Variants in GPHN observed in about 807,000 individuals in gnomAD.
GPHN encodes gephyrin.
A neutral mutation model predicts 95.5 loss-of-function variants in GPHN; 17 were observed. The observed-to-expected ratio is 0.18, with a 90% CI of 0.12 to 0.27. The LOEUF (loss-of-function observed/expected upper bound fraction) is 0.27, where lower values mean the gene tolerates loss of function less well. Ranked by LOEUF, GPHN falls within the 10% of genes least tolerant of loss-of-function variation. The pLI is 1.00. For missense variants in GPHN, 660 were observed against 978.1 expected, an observed-to-expected ratio of 0.67 and a Z score of 4.34; for synonymous variants, 320 against 322.5, an observed-to-expected ratio of 0.99 and a Z score of 0.08.
At chr14:66,938,837 G>C (rs2067254415) in intron 8 of GPHN, among the ~76,000 whole-genome samples, 1 of 152,010 alleles carries the variant, frequency 6.6e-6, no homozygotes, top group African/African-American at 2.4e-5. Context: ...CTTTCCACTG[G>C]GGGATAACTA....
chr14:66,747,956 C>T (rs1228695014), intron 2 of GPHN, among the ~76,000 whole-genome samples: 1 of 151,964 alleles, frequency 6.6e-6, no homozygotes, highest in Non-Finnish European at 1.5e-5. Context: ...ACTCCTATTT[C>T]TGTATTAATA....
At chr14:67,284,610 A>G in the GPHN span, among the ~76,000 whole-genome samples, 125 of 146,910 alleles carry the variant, frequency 8.5e-4, no homozygotes, top group African/African-American at 2.8e-3. Flanking sequence ...CATCACTACT[A>G]TATAATTCCA....
the GPHN span, among the ~76,000 whole-genome samples, chr14:67,341,785 T>C: frequency 5.3e-5 from 8 of 152,260 alleles, no homozygotes; most frequent in Non-Finnish European, 7.3e-5. Flanking sequence ...GGATGGTTGC[T>C]GTGTCTGTGT....
At chr14:66,565,177 G>A (rs184980956) in intron 1 of GPHN, among the ~76,000 whole-genome samples, 97 of 152,212 alleles carry the variant, frequency 6.4e-4, no homozygotes, top group Non-Finnish European at 1.1e-3. Context: ...AGGTTTGCAG[G>A]TTAAGGATTT....
At chr14:66,669,493 AGTT>A (rs563348331) in intron 1 of GPHN, among the ~76,000 whole-genome samples, 1 of 132,516 alleles carries the variant, frequency 7.5e-6, no homozygotes, top group Non-Finnish European at 1.5e-5. Context: ...CTCTATATTG[AGTT>A]GTTATTTTTT....
At chr14:67,586,433 A>G in the GPHN span, 3 of 1,312,958 alleles carry the variant, frequency 2.3e-6, no homozygotes, top group African/African-American at 3.0e-5. Context: ...GCAGTCCTCA[A>G]GGCAGGGCAG....
At chr14:67,633,466 C>T in the GPHN span, among the ~76,000 whole-genome samples, 2 of 152,196 alleles carry the variant, frequency 1.3e-5, no homozygotes, top group Admixed American at 6.5e-5. Flanking sequence ...CATGTGCTTT[C>T]AACAGGATAG....
intron 3 of GPHN, among the ~76,000 whole-genome samples, chr14:66,792,735 G>A (rs1235680569): frequency 1.3e-5 from 2 of 152,184 alleles, no homozygotes; most frequent in African/African-American, 2.4e-5. Flanking sequence ...GGTGCTAGAG[G>A]AATTAAAGAC....
chr14:67,116,313 AAAAG>A (rs563235207), intron 16 of GPHN, among the ~76,000 whole-genome samples: 1,545 of 149,948 alleles, frequency 0.01, 12 homozygotes, highest in Non-Finnish European at 0.015. Flanking sequence ...GAAAGAAAGA[AAAAG>A]AAAGAAAGAA....
Position 66,592,675 on chromosome 14 carries a change from C to A in GPHN, c.64+84084C>A, listed in dbSNP as rs61903157. On this transcript the variant is annotated intron_variant, in intron 1 of 22. Transcript: ENST00000478722. ...TACAGATGCTGGAGTGGATGTGGAA[C>A]AATAGGACCACTTTTACACTGTTGG... Among the ~76,000 whole-genome samples the A allele has an allele frequency of 2.6e-5, 4 of 152,190 alleles. No homozygotes were observed. The South Asian group carries it at 6.2e-4, about 24-fold the overall frequency.
At chr14:67,275,222 T>C in the GPHN span, among the ~76,000 whole-genome samples, 3 of 152,296 alleles carry the variant, frequency 2.0e-5, no homozygotes, top group South Asian at 2.1e-4. Context: ...ATGCTTCCAG[T>C]TTTTGCCCAT....
chr14:66,750,044 TTGACTA>T (rs1466483628), intron 2 of GPHN, among the ~76,000 whole-genome samples: 2 of 151,922 alleles, frequency 1.3e-5, no homozygotes, highest in Non-Finnish European at 2.9e-5. Flanking sequence ...TAAATTACTG[TTGACTA>T]TAGTCACCCA....
At chr14:66,649,203 G>A (rs772840876) in intron 1 of GPHN, among the ~76,000 whole-genome samples, 12 of 152,008 alleles carry the variant, frequency 7.9e-5, no homozygotes, top group Non-Finnish European at 1.2e-4. Flanking sequence ...GCGTGGTGGC[G>A]TGCGCCTGTA....
At chr14:66,897,726 C>T (rs540436623) in intron 5 of GPHN, among the ~76,000 whole-genome samples, 28 of 152,176 alleles carry the variant, frequency 1.8e-4, no homozygotes, top group Non-Finnish European at 3.5e-4. Context: ...TTTGTTCAAC[C>T]ATTTTCTGTT....
intron 9 of GPHN, among the ~76,000 whole-genome samples, chr14:66,966,068 G>T (rs1481681280): frequency 6.6e-6 from 1 of 152,008 alleles, no homozygotes; most frequent in Non-Finnish European, 1.5e-5. Context: ...TCTATGTGAT[G>T]GATGCAATAT....
intron 21 of GPHN, among the ~76,000 whole-genome samples, chr14:67,170,738 G>C (rs1474809175): frequency 1.3e-5 from 2 of 152,160 alleles, no homozygotes; most frequent in Non-Finnish European, 2.9e-5. Flanking sequence ...TGCCAGTATG[G>C]GTCATCAGTA....
At chr14:66,539,800 T>C (rs1319231048) in intron 1 of GPHN, among the ~76,000 whole-genome samples, 1 of 152,108 alleles carries the variant, frequency 6.6e-6, no homozygotes, top group African/African-American at 2.4e-5. Context: ...TTTCAAATGC[T>C]CCCAGGAAAT....
At chr14:66,936,116 C>G (rs1043175233) in intron 8 of GPHN, among the ~76,000 whole-genome samples, 1 of 152,082 alleles carries the variant, frequency 6.6e-6, no homozygotes, top group Non-Finnish European at 1.5e-5. Flanking sequence ...CGGTGGCTCA[C>G]GCCTGTAATC....
chr14:66,550,224 A>G (rs1254417519), intron 1 of GPHN, among the ~76,000 whole-genome samples: 1 of 152,244 alleles, frequency 6.6e-6, no homozygotes, highest in Non-Finnish European at 1.5e-5. Context: ...AGCATTCTTG[A>G]TACCATTCAG....
Sources: gnomAD v4.1 joint callset for allele counts (sites outside exome capture counted in the v4.1 genomes callset) on GRCh38, gnomAD v4.1.1 for gene constraint, MANE v1.5 for transcripts, NCBI Gene and HGNC (gene_info 2026-07-23, HGNC 2026-07-21) for gene names.